Variants in ROR2 observed in about 807,000 individuals in gnomAD.
The protein encoded by ROR2 is ROR family WNT receptor 2, also known as tyrosine-protein kinase transmembrane receptor ROR2.
In ROR2, 33 loss-of-function variants were observed where a neutral mutation model predicts 74.9. That is an observed-to-expected ratio of 0.44 (90% confidence interval 0.33 to 0.59). The LOEUF is 0.59. Ranked by LOEUF, ROR2 falls within the 20% of genes least tolerant of loss-of-function variation. The pLI, the probability that ROR2 is intolerant of heterozygous loss-of-function variation, is 0.02. For synonymous variants in ROR2, 586 were observed against 558.7 expected (o/e 1.05, Z -0.69); for missense variants, 1,216 against 1,313.8 (o/e 0.93, Z 1.15).
intron 1 of ROR2, among the ~76,000 whole-genome samples, chr9:91,810,037 C>T (rs1827692677): frequency 6.6e-6 from 1 of 152,258 alleles, no homozygotes; most frequent in Admixed American, 6.5e-5. Flanking sequence ...ATCGGCCACG[C>T]CACACATGAC....
chr9:91,908,274 G>T (rs1417110075), intron 1 of ROR2, among the ~76,000 whole-genome samples: 1 of 152,226 alleles, frequency 6.6e-6, no homozygotes, highest in African/African-American at 2.4e-5. Flanking sequence ...TGTGCCTGGG[G>T]CACCCGCAGC....
intron 1 of ROR2, among the ~76,000 whole-genome samples, chr9:91,893,935 G>A (rs558996237): frequency 2.4e-4 from 36 of 152,288 alleles, no homozygotes; most frequent in African/African-American, 8.2e-4. Context: ...TCTATCTCCA[G>A]AATTCTTTTC....
At chr9:91,840,531 C>A (rs930760772) in intron 1 of ROR2, among the ~76,000 whole-genome samples, 2 of 152,246 alleles carry the variant, frequency 1.3e-5, no homozygotes, top group African/African-American at 4.8e-5. Flanking sequence ...TCCCCTCTTT[C>A]AGGCCTGGGG....
At chr9:91,903,534 G>A (rs919042789) in intron 1 of ROR2, among the ~76,000 whole-genome samples, 5 of 151,898 alleles carry the variant, frequency 3.3e-5, no homozygotes, top group African/African-American at 9.7e-5. Flanking sequence ...ATTCTTCCAT[G>A]GAGTATTTTC....
intron 1 of ROR2, among the ~76,000 whole-genome samples, chr9:91,792,509 C>CGT (rs1463407289): frequency 2.4e-4 from 36 of 152,022 alleles, no homozygotes; most frequent in Admixed American, 2.3e-3. Context: ...TGGGTTTCAC[C>CGT]GTGTTAGCCA....
intron 3 of ROR2, 44 bp downstream of exon 3, chr9:91,757,228 A>T (rs527576180): frequency 1.9e-6 from 3 of 1,611,918 alleles, no homozygotes. Flanking sequence ...GTGGCTGGGA[A>T]CCTTCATATC....
chr9:91,867,899 C>G (rs188076790), intron 1 of ROR2, among the ~76,000 whole-genome samples: 1 of 152,082 alleles, frequency 6.6e-6, no homozygotes, highest in Non-Finnish European at 1.5e-5. Flanking sequence ...ACTGACTGCC[C>G]GTAAAACAGT....
intron 1 of ROR2, among the ~76,000 whole-genome samples, chr9:91,826,795 GAA>G (rs910959447): frequency 8.0e-6 from 1 of 125,316 alleles, no homozygotes; most frequent in Non-Finnish European, 1.7e-5. Flanking sequence ...AAAAAAAAAA[GAA>G]AAAAGAAAAA....
At chr9:91,772,123 G>A (rs1209606040) in intron 2 of ROR2, among the ~76,000 whole-genome samples, 4 of 152,172 alleles carry the variant, frequency 2.6e-5, no homozygotes, top group African/African-American at 4.8e-5. Flanking sequence ...GTAGAAGGAC[G>A]GGTGGAGTGA....
chr9:91,875,813 A>C (rs11787708), intron 1 of ROR2, among the ~76,000 whole-genome samples: 11,411 of 152,168 alleles, frequency 0.075, 542 homozygotes, highest in African/African-American at 0.13. Flanking sequence ...GAGTGCCACT[A>C]AAAGATAAAG....
At chr9:91,816,703 C>T (rs1563979506) in intron 1 of ROR2, among the ~76,000 whole-genome samples, 1 of 145,500 alleles carries the variant, frequency 6.9e-6, no homozygotes, top group African/African-American at 2.5e-5. Flanking sequence ...CCCACCCCCC[C>T]AACACACACA....
chr9:91,775,314 C>T (rs1826382799), intron 2 of ROR2, among the ~76,000 whole-genome samples: 1 of 152,190 alleles, frequency 6.6e-6, no homozygotes, highest in African/African-American at 2.4e-5. Flanking sequence ...GCAAGGTGTG[C>T]CAAGTGAGCA....
At chr9:91,906,957 G>A (rs2030992) in intron 1 of ROR2, among the ~76,000 whole-genome samples, 1 of 151,910 alleles carries the variant, frequency 6.6e-6, no homozygotes, top group Non-Finnish European at 1.5e-5. Flanking sequence ...GTGGCGGTGG[G>A]AACATTCACT....
chr9:91,826,893 T>A (rs1481683674), intron 1 of ROR2, among the ~76,000 whole-genome samples: 1 of 152,226 alleles, frequency 6.6e-6, no homozygotes, highest in Non-Finnish European at 1.5e-5. Context: ...GGTTCTTTTA[T>A]AACTTTGCTC....
chr9:91,823,578 G>T (rs547721297), intron 1 of ROR2, among the ~76,000 whole-genome samples: 31 of 152,112 alleles, frequency 2.0e-4, no homozygotes, highest in Admixed American at 3.9e-4. Context: ...GAGCCACCGT[G>T]CCCAGCCTCA....
intron 1 of ROR2, among the ~76,000 whole-genome samples, chr9:91,798,249 C>G (rs1274096096): frequency 1.6e-4 from 10 of 64,440 alleles, no homozygotes; most frequent in Non-Finnish European, 2.1e-4. Context: ...TGACACCCTG[C>G]ATTCTGTGGG....
chr9:91,759,802 A>G (rs1825858603), intron 2 of ROR2, among the ~76,000 whole-genome samples: 1 of 152,198 alleles, frequency 6.6e-6, no homozygotes, highest in Non-Finnish European at 1.5e-5. Flanking sequence ...GGACCAGGAT[A>G]GAGTCTCACG....
intron 1 of ROR2, among the ~76,000 whole-genome samples, chr9:91,825,757 G>C (rs528139861): frequency 2.6e-5 from 4 of 152,242 alleles, no homozygotes; most frequent in South Asian, 4.1e-4. Flanking sequence ...GAAAAAAAGT[G>C]GGGGAGGGTA....
chr9:91,857,886 G>C (rs1233751888), intron 1 of ROR2, among the ~76,000 whole-genome samples: 4 of 152,192 alleles, frequency 2.6e-5, no homozygotes, highest in Non-Finnish European at 5.9e-5. Flanking sequence ...ATAAAAGAGA[G>C]TAACTTAATC....
Sources: allele counts gnomAD v4.1 joint callset (sites outside exome capture counted in the v4.1 genomes callset), GRCh38; gene constraint gnomAD v4.1.1; transcripts MANE v1.5; gene names NCBI Gene and HGNC (gene_info 2026-07-23, HGNC 2026-07-21).